The following SH3BGRL2 variants were observed in gnomAD, a reference collection of about 807,000 sequenced individuals.
SH3BGRL2 encodes SH3 domain binding glutamate rich protein like 2.
SH3BGRL2 carries 21 observed loss-of-function variants against 14.8 expected under a neutral mutation model. The ratio of observed to expected loss-of-function variants is 1.42; its 90% CI spans 1.01 to 2.05. The LOEUF is 2.05. Ranked by LOEUF, SH3BGRL2 falls within the 30% of genes most tolerant of loss-of-function variation. SH3BGRL2 has a pLI of 0.00. For missense variants in SH3BGRL2, 147 were observed against 130.8 expected (o/e 1.12, Z -0.61); for synonymous variants, 50 against 47.8 (o/e 1.05, Z -0.19).
the SH3BGRL2 span, among the ~76,000 whole-genome samples, chr6:79,598,858 G>A: frequency 1.1e-3 from 169 of 152,080 alleles, 1 homozygote; most frequent in African/African-American, 3.8e-3. Context: ...CGAGGTGGGC[G>A]GATCACCTGA....
At chr6:79,657,219 T>C (rs1326187323) in intron 1 of SH3BGRL2, among the ~76,000 whole-genome samples, 1 of 151,962 alleles carries the variant, frequency 6.6e-6, no homozygotes, top group Non-Finnish European at 1.5e-5. Flanking sequence ...GGCAGTGATA[T>C]ACGCTTAAGA....
At chr6:79,683,463 CTT>C (rs1322387979) in intron 2 of SH3BGRL2, among the ~76,000 whole-genome samples, 8 of 144,292 alleles carry the variant, frequency 5.5e-5, no homozygotes, top group Admixed American at 1.4e-4. Context: ...AAACATCCTT[CTT>C]TTTTTTTTTT....
At chr6:79,686,318 T>C (rs554837994) in intron 2 of SH3BGRL2, among the ~76,000 whole-genome samples, 2 of 152,228 alleles carry the variant, frequency 1.3e-5, no homozygotes, top group East Asian at 1.9e-4. Flanking sequence ...TTGCCCTTTT[T>C]CCCCCCTCCC....
At chr6:79,599,585 G>A in the SH3BGRL2 span, among the ~76,000 whole-genome samples, 41 of 152,160 alleles carry the variant, frequency 2.7e-4, no homozygotes, top group African/African-American at 8.7e-4. Context: ...TGGCCAGGCT[G>A]GTCTCAAACT....
the SH3BGRL2 span, among the ~76,000 whole-genome samples, chr6:79,617,578 C>G: frequency 6.6e-6 from 1 of 151,990 alleles, no homozygotes; most frequent in Non-Finnish European, 1.5e-5. Flanking sequence ...TAAACAAGAT[C>G]GGTCCCTCAA....
chr6:79,654,764 T>A (rs763403756), intron 1 of SH3BGRL2, among the ~76,000 whole-genome samples: 2 of 152,096 alleles, frequency 1.3e-5, no homozygotes, highest in Non-Finnish European at 2.9e-5. Context: ...AAATAGCAGG[T>A]GGGATTGGAA....
intron 1 of SH3BGRL2, among the ~76,000 whole-genome samples, chr6:79,654,207 A>G (rs776538420): frequency 2.0e-5 from 3 of 152,228 alleles, no homozygotes; most frequent in African/African-American, 4.8e-5. Flanking sequence ...GTGGCTTACA[A>G]TCCTATTTTA....
intron 2 of SH3BGRL2, 39 bp from the exon 3 acceptor site, chr6:79,696,446 G>T: frequency 7.1e-7 from 1 of 1,398,752 alleles, no homozygotes; most frequent in Non-Finnish European, 9.8e-7. Flanking sequence ...ATAATTGTTT[G>T]CTTTTGTTGG....
chr6:79,621,082 G>C, the SH3BGRL2 span, among the ~76,000 whole-genome samples: 11 of 151,868 alleles, frequency 7.2e-5, no homozygotes, highest in African/African-American at 2.7e-4. Flanking sequence ...TTTATTAGTA[G>C]CTAATAGTTA....
chr6:79,596,885 A>G, the SH3BGRL2 span, among the ~76,000 whole-genome samples: 1 of 152,176 alleles, frequency 6.6e-6, no homozygotes, highest in Admixed American at 6.6e-5. Context: ...TCCCAATTAC[A>G]AAACTTACTA....
the SH3BGRL2 span, among the ~76,000 whole-genome samples, chr6:79,554,323 C>T: frequency 6.6e-6 from 1 of 151,956 alleles, no homozygotes; most frequent in African/African-American, 2.4e-5. Flanking sequence ...ATAAGAAATT[C>T]CAGGGGGTAG....
intron 1 of SH3BGRL2, among the ~76,000 whole-genome samples, chr6:79,653,203 C>CA (rs1288614713): frequency 6.6e-6 from 1 of 151,888 alleles, no homozygotes; most frequent in South Asian, 2.1e-4. Context: ...AAATTTCAAG[C>CA]AAAAAAGACA....
At chr6:79,577,037 C>G in the SH3BGRL2 span, among the ~76,000 whole-genome samples, 1 of 152,106 alleles carries the variant, frequency 6.6e-6, no homozygotes, top group Non-Finnish European at 1.5e-5. Flanking sequence ...GTGCATAGTA[C>G]AAGGTAAAAG....
intron 1 of SH3BGRL2, among the ~76,000 whole-genome samples, chr6:79,669,034 CACTT>C: frequency 6.6e-6 from 1 of 152,104 alleles, no homozygotes; most frequent in African/African-American, 2.4e-5. Context: ...TTAAATTACT[CACTT>C]AGTTTGAATA....
chr6:79,630,994 TG>T (rs1768810293), upstream of SH3BGRL2, among the ~76,000 whole-genome samples: 1 of 152,208 alleles, frequency 6.6e-6, no homozygotes, highest in African/African-American at 2.4e-5. Flanking sequence ...TGGGTGTGGA[TG>T]CTCCAAACCA....
intron 1 of SH3BGRL2, among the ~76,000 whole-genome samples, chr6:79,657,943 A>G (rs1562149511): frequency 2.0e-5 from 3 of 152,202 alleles, no homozygotes; most frequent in Admixed American, 6.5e-5. Context: ...CCAGTTGGAA[A>G]ATATGTACAG....
At chr6:79,672,021 A>G (rs1769784801) in intron 1 of SH3BGRL2, among the ~76,000 whole-genome samples, 1 of 152,068 alleles carries the variant, frequency 6.6e-6, no homozygotes, top group South Asian at 2.1e-4. Flanking sequence ...CTTCTTTTTA[A>G]TCATCTGCCC....
At chr6:79,678,557 T>G (rs1305473389) in intron 2 of SH3BGRL2, among the ~76,000 whole-genome samples, 1 of 152,232 alleles carries the variant, frequency 6.6e-6, no homozygotes, top group Non-Finnish European at 1.5e-5. Context: ...TGGATTAAAT[T>G]CACCTCTTGG....
chr6:79,567,735 G>T, the SH3BGRL2 span, among the ~76,000 whole-genome samples: 1 of 152,144 alleles, frequency 6.6e-6, no homozygotes, highest in Non-Finnish European at 1.5e-5. Context: ...CAAAGTAAAA[G>T]AGATAAATAC....
Sources: gnomAD v4.1 joint callset for allele counts (sites outside exome capture counted in the v4.1 genomes callset) on GRCh38, gnomAD v4.1.1 for gene constraint, MANE v1.5 for transcripts, NCBI Gene and HGNC (gene_info 2026-07-23, HGNC 2026-07-21) for gene names.